The following DENND2A variants were observed in gnomAD, a reference collection of about 807,000 sequenced individuals.
DENND2A encodes the protein DENN domain-containing protein 2A.
DENND2A carries 53 observed loss-of-function variants against 105.3 expected under a neutral mutation model. The observed-to-expected ratio is 0.50, with a 90% CI of 0.40 to 0.63. The LOEUF (loss-of-function observed/expected upper bound fraction) is 0.63. DENND2A is among the 30% of genes least tolerant of loss of function. The pLI is 0.00. For missense variants in DENND2A, 1,138 were observed against 1,279.6 expected, an observed-to-expected ratio of 0.89 and a Z score of 1.69; for synonymous variants, 522 against 508.4, an observed-to-expected ratio of 1.03 and a Z score of -0.36.
chr7:140,545,056 C>T (rs371878300), intron 13 of DENND2A, among the ~76,000 whole-genome samples: 40 of 152,226 alleles, frequency 2.6e-4, no homozygotes, highest in African/African-American at 8.9e-4. Context: ...CAATGGTTTC[C>T]GGCCCCACAT....
intron 1 of DENND2A, among the ~76,000 whole-genome samples, chr7:140,637,115 G>T (rs542534165): frequency 6.6e-6 from 1 of 151,996 alleles, no homozygotes; most frequent in Non-Finnish European, 1.5e-5. Flanking sequence ...CTCCCAAAGC[G>T]TTGGGATTAC....
chr7:140,526,401 C>G (rs1198508173), intron 15 of DENND2A, among the ~76,000 whole-genome samples: 1 of 152,212 alleles, frequency 6.6e-6, no homozygotes, highest in African/African-American at 2.4e-5. Flanking sequence ...CCTGAGAGCG[C>G]GACCCTCACT....
At chr7:140,639,277 CG>C (rs145872953) in intron 1 of DENND2A, among the ~76,000 whole-genome samples, 16,308 of 151,908 alleles carry the variant, frequency 0.11, 1,178 homozygotes, top group Non-Finnish European at 0.17. Flanking sequence ...GCTTGAACTC[CG>C]GGGGCTGAGG....
rs1055212473 is a variant in DENND2A at position 140,523,619 on chromosome 7, A to G, written c.2548-195T>C. Among the ~76,000 whole-genome samples the G allele has an allele frequency of 6.6e-6, 1 of 151,942 alleles. No homozygotes were observed. Among genetic ancestry groups the G allele is most frequent in the East Asian group, 1.9e-4 (1 of 5,164 alleles). On this transcript the variant is annotated intron_variant, in intron 16 of 19. Transcript: ENST00000496613. The surrounding 1 kb of genome is among the most constrained non-coding windows in gnomAD (Gnocchi z 4.5). ...TGAGACAGAGTTTCACTCTTGTCGC[A>G]TAGTCTGGAGTGCAATGCCATGATC... is the stretch of plus-strand genomic sequence containing the variant.
chr7:140,605,096 A>G (rs1380642783), intron 2 of DENND2A, among the ~76,000 whole-genome samples: 1 of 152,188 alleles, frequency 6.6e-6, no homozygotes, highest in Non-Finnish European at 1.5e-5. Flanking sequence ...TACAAAACTC[A>G]CGCAACAGAG....
intron 5 of DENND2A, 95 bp from the exon 6 acceptor site, chr7:140,574,103 G>A: frequency 1.2e-5 from 17 of 1,402,430 alleles, no homozygotes; most frequent in Non-Finnish European, 1.7e-5. Context: ...ATGAAATTGA[G>A]AAGAGGAACT....
chr7:140,580,332 T>C (rs1021115635), intron 5 of DENND2A, among the ~76,000 whole-genome samples: 1 of 152,210 alleles, frequency 6.6e-6, no homozygotes, highest in Admixed American at 6.5e-5. Context: ...CATGTATGTA[T>C]GTATTTATTT....
chr7:140,603,320 C>A (rs1799584172), intron 2 of DENND2A, among the ~76,000 whole-genome samples: 1 of 152,138 alleles, frequency 6.6e-6, no homozygotes, highest in Non-Finnish European at 1.5e-5. Flanking sequence ...GGAGTAATTT[C>A]ACGAGGTAAA....
At position 140,518,723 on chromosome 7, in the gene DENND2A, A is replaced by C. The variant is rs1795747229; in HGVS notation, c.3014T>G (p.Phe1005Cys). The change falls in exon 20 of 20, where the codon TTT becomes TGT. Residue 1005 changes from phenylalanine (F) to cysteine (C), a missense_variant. Physicochemically the swap from Phe to Cys is radical, Grantham distance 205 (BLOSUM62 -2). Transcript: ENST00000496613. ...GGCTGAGAGTTATTTCTTGTGGAGA[A>C]ATTTCATTTTATTGCCTAAAAAAAA... ...FLKGLGNKMKFLHKK is the reference protein window; with the variant it reads ...FLKGLGNKMKCLHKK 1 of 1,613,856 alleles carries C rather than the reference A, an allele frequency of 6.2e-7. No individual in the cohort carries two copies. The highest frequency in any genetic ancestry group is 8.5e-7 in the Non-Finnish European group (1 of 1,179,700).
chr7:140,554,803 T>C (rs1797290488), intron 12 of DENND2A, among the ~76,000 whole-genome samples: 1 of 152,196 alleles, frequency 6.6e-6, no homozygotes, highest in Non-Finnish European at 1.5e-5. Context: ...CGGCAATTCC[T>C]ATGCGTTCAT....
At chr7:140,587,594 C>A (rs921067374) in intron 4 of DENND2A, 59 bp downstream of exon 4, 1 of 1,606,570 alleles carries the variant, frequency 6.2e-7, no homozygotes, top group African/African-American at 1.3e-5. Flanking sequence ...CAGCCCCATT[C>A]TCCCTCCCCT....
chr7:140,586,115 T>C lies in DENND2A; in HGVS notation c.1124-405A>G, dbSNP rs114069244. ...AGGATTTCTGCTGGGACTTGCAGGA[T>C]ACCAGCTCTTCTCTCCACCAAGAAG... is the stretch of plus-strand genomic sequence containing the variant. On this transcript the variant is annotated intron_variant, in intron 4 of 19. Coordinates refer to ENST00000496613, the MANE Select transcript of DENND2A (RefSeq NM_015689.5). Among the ~76,000 whole-genome samples, 915 of 152,204 alleles carry C rather than the reference T, an allele frequency of 6.0e-3. 6 individuals are homozygous for C. The highest frequency in any genetic ancestry group is 0.02 in the African/African-American group (849 of 41,512).
Position 140,527,440 on chromosome 7 carries a change from G to A in DENND2A, c.2383C>T (p.Gln795Ter). 1 of 1,603,844 alleles carries A rather than the reference G, an allele frequency of 6.2e-7. No homozygotes were observed. Among genetic ancestry groups the A allele is most frequent in the Non-Finnish European group, 8.5e-7 (1 of 1,176,816 alleles). ...MVALIYPFAW[Q>*]HTYIPVLPPA... ...GGCAGCACCGGGATGTAGGTGTGCTGCCAGGCGAAGGGGTAGATCAGCGCC... is the reference window on the plus strand; with the variant it reads ...GGCAGCACCGGGATGTAGGTGTGCTACCAGGCGAAGGGGTAGATCAGCGCC... The change falls in exon 15 of 20, where the codon CAG becomes TAG. Residue 795 changes from glutamine to a stop codon, truncating the protein, a stop_gained. Coordinates refer to ENST00000496613, the MANE Select transcript of DENND2A (RefSeq NM_015689.5). LOFTEE classifies it high-confidence loss of function. The surrounding 1 kb of genome is among the most constrained non-coding windows in gnomAD (Gnocchi z 4.9).
At position 140,527,395 on chromosome 7, in the gene DENND2A, C is replaced by T. The variant is rs1203911611; in HGVS notation, c.2428G>A (p.Val810Met). The T allele has an allele frequency of 2.1e-5, 34 of 1,609,186 alleles. No individual in the cohort carries two copies. The highest frequency in any genetic ancestry group is 5.3e-5 in the African/African-American group (4 of 74,868). Residue 810 changes from valine (V) to methionine (M), a missense_variant, in exon 15 of 20, where the codon GTG becomes ATG. Around this residue, in one of 2 missense-constraint regions of DENND2A, gnomAD observed 627 missense variants for 779.8 expected, o/e 0.80. Transcript: ENST00000496613. The surrounding 1 kb of genome is among the most constrained non-coding windows in gnomAD (Gnocchi z 4.9). ...ATGAGGAAGGGCGTCGGCGAGCACA[C>T]GATGTCGACCATGGCGGGTGGCAGC... ...PVLPPAMVDI[V>M]CSPTPFLIGL... is the part of the protein sequence containing the mutation.
At chr7:140,619,570 G>T (rs1375907387) in intron 1 of DENND2A, among the ~76,000 whole-genome samples, 11 of 151,804 alleles carry the variant, frequency 7.2e-5, no homozygotes, top group African/African-American at 2.4e-4. Flanking sequence ...TGCAATCTCA[G>T]CTCACTGCAA....
rs572405610 is a variant in DENND2A at position 140,523,671 on chromosome 7, G to A, written c.2548-247C>T. On this transcript the variant is annotated intron_variant, in intron 16 of 19. Transcript: ENST00000496613. This position sits in a 1 kb window ranked among gnomAD's most constrained non-coding sequence, Gnocchi z 4.5. ...TGGCTCACTGCAACCTCTGCCTCCC[G>A]GATTCAAGCAATTCTGCCTCAGCCT... Among the ~76,000 whole-genome samples the A allele has an allele frequency of 6.6e-6, 1 of 151,936 alleles. No individual in the cohort carries two copies. Among genetic ancestry groups the A allele is most frequent in the Admixed American group, 6.6e-5 (1 of 15,232 alleles).
chr7:140,599,767 A>G (rs1799416082), intron 3 of DENND2A, among the ~76,000 whole-genome samples: 1 of 152,136 alleles, frequency 6.6e-6, no homozygotes, highest in South Asian at 2.1e-4. Flanking sequence ...ACAAGAAATT[A>G]TGCTATTATG....
rs1178588024 is a variant in DENND2A at position 140,559,110 on chromosome 7, G to A, written c.1889+598C>T. On this transcript the variant is annotated intron_variant, in intron 10 of 19. Transcript: ENST00000496613. This position sits in a 1 kb window ranked among gnomAD's most constrained non-coding sequence, Gnocchi z 4.1. ...TGCTCATCTAGGGATGTGACTCGGTGAGGGAGCAGCGGAAGATGGGGACAG... is the reference window on the plus strand; with the variant it reads ...TGCTCATCTAGGGATGTGACTCGGTAAGGGAGCAGCGGAAGATGGGGACAG... 6.6e-6 allele frequency among the ~76,000 whole-genome samples: 1 copy of A among 152,186 alleles called. No homozygotes were observed. The highest frequency in any genetic ancestry group is 1.9e-4 in the East Asian group (1 of 5,184).
intron 1 of DENND2A, among the ~76,000 whole-genome samples, chr7:140,626,742 C>G (rs1002879902): frequency 1.3e-5 from 2 of 152,182 alleles, no homozygotes; most frequent in Admixed American, 6.5e-5. Flanking sequence ...TCCCAGCCAG[C>G]ACATTTGGAC....
Sources: gnomAD v4.1 joint callset for allele counts (sites outside exome capture counted in the v4.1 genomes callset) on GRCh38, gnomAD v4.1.1 for gene constraint, gnomAD v4.1.1 regional missense constraint, Gnocchi (gnomAD v3.1) non-coding constraint, MANE v1.5 for transcripts, NCBI Gene and HGNC (gene_info 2026-07-23, HGNC 2026-07-21) for gene names.